Variants in STK33 observed in about 807,000 individuals in gnomAD.
The protein encoded by STK33 is serine/threonine-protein kinase 33.
Under a neutral mutation model 58.0 loss-of-function variants are expected in STK33, and 52 were observed. The ratio of observed to expected loss-of-function variants is 0.90; its 90% confidence interval spans 0.72 to 1.13. The LOEUF is 1.13. Among genes scored for constraint, STK33 ranks in the 50% most tolerant of loss-of-function variants. The pLI is 0.00. For missense variants in STK33, 630 were observed against 604.2 expected (o/e 1.04, Z -0.45); for synonymous variants, 215 against 200.1 (o/e 1.07, Z -0.63).
intron 15 of STK33, among the ~76,000 whole-genome samples, chr11:8,406,250 T>C (rs1939188877): frequency 6.6e-6 from 1 of 151,532 alleles, no homozygotes; most frequent in African/African-American, 2.4e-5. Flanking sequence ...CTTACATCAA[T>C]ACCACATTGT....
At position 8,502,449 on chromosome 11, in the gene STK33, A is replaced by G. The variant is rs140997245; in HGVS notation, c.-465-21835T>C. On this transcript the variant is annotated intron_variant, in intron 1 of 15. Coordinates refer to ENST00000687296, the MANE Select transcript of STK33 (RefSeq NM_001352389.2). ...GCCATATGCAGAAGATTAAAACTGG[A>G]TCCCTTCCTTATACCATATACAAAA... Among the ~76,000 whole-genome samples, 91 of 152,324 alleles carry G rather than the reference A, an allele frequency of 6.0e-4. 1 individual carries two copies. In the East Asian group the frequency reaches 0.014, roughly 23 times the overall value.
intron 1 of STK33, among the ~76,000 whole-genome samples, chr11:8,574,540 A>G (rs1958044859): frequency 6.6e-6 from 1 of 152,212 alleles, no homozygotes; most frequent in African/African-American, 2.4e-5. Context: ...AGTGAATTCT[A>G]TCAAACATTT....
chr11:8,527,798 GGA>G lies in STK33; in HGVS notation c.-465-47186_-465-47185del, dbSNP rs1405900585. Among the ~76,000 whole-genome samples, 4 of 152,216 alleles carry G rather than the reference GGA, an allele frequency of 2.6e-5. No homozygotes were observed. The East Asian group carries it at 5.8e-4, about 22-fold the overall frequency. On this transcript the variant is annotated intron_variant, in intron 1 of 15. Coordinates refer to ENST00000687296, the MANE Select transcript of STK33 (RefSeq NM_001352389.2). ...AATGACTATATGAGTATTTTCCAGA[GGA>G]AACAGCCCATTTACCAAAACACTTC...
At chr11:8,355,804 C>T in the STK33 span, among the ~76,000 whole-genome samples, 1 of 152,336 alleles carries the variant, frequency 6.6e-6, no homozygotes, top group African/African-American at 2.4e-5. Flanking sequence ...ACACAAGGTG[C>T]TTAGACCAGT....
rs200455122 is a variant in STK33 at position 8,585,276 on chromosome 11, G to A, written c.-466+8807C>T. 2.1e-5 allele frequency among the ~76,000 whole-genome samples: 3 copies of A among 144,174 alleles called. No individual in the cohort carries two copies. The East Asian group carries it at 6.1e-4, about 30-fold the overall frequency. 94.6% of individuals were successfully genotyped at this position (144,174 alleles called of 152,430 possible). A position where few individuals can be genotyped will look rare whatever the true frequency, so the allele number is the denominator to read the frequency against. On this transcript the variant is annotated intron_variant, in intron 1 of 15. Transcript: ENST00000687296. ...GTCTCACTCTGTCACCCAGGCTGGA[G>A]TGCAGTGGCGCAATCTCGGCTCACT...
the STK33 span, among the ~76,000 whole-genome samples, chr11:8,363,356 T>A: frequency 6.6e-6 from 1 of 152,184 alleles, no homozygotes; most frequent in Non-Finnish European, 1.5e-5. Context: ...TACAGCTGGA[T>A]GATTTTTAAA....
At chr11:8,462,510 A>T (rs1436839226) in intron 7 of STK33, among the ~76,000 whole-genome samples, 1 of 151,084 alleles carries the variant, frequency 6.6e-6, no homozygotes, top group African/African-American at 2.4e-5. Context: ...AATAATAGGC[A>T]ATGAGATTCT....
intron 1 of STK33, among the ~76,000 whole-genome samples, chr11:8,522,430 C>A (rs946920027): frequency 6.7e-6 from 1 of 148,642 alleles, no homozygotes; most frequent in Non-Finnish European, 1.5e-5. Flanking sequence ...ACAATGAGAA[C>A]AGTTGGACAC....
At chr11:8,459,876 C>CT (rs1947309732) in intron 8 of STK33, among the ~76,000 whole-genome samples, 1 of 152,110 alleles carries the variant, frequency 6.6e-6, no homozygotes, top group Non-Finnish European at 1.5e-5. Flanking sequence ...CTACCCAAAG[C>CT]TGGGGGGGAA....
intron 2 of STK33, among the ~76,000 whole-genome samples, chr11:8,477,493 G>T (rs915834247): frequency 2.6e-5 from 4 of 152,074 alleles, no homozygotes; most frequent in Non-Finnish European, 1.5e-5. Context: ...CTTTTTATAA[G>T]AAATTGTAAG....
the STK33 span, among the ~76,000 whole-genome samples, chr11:8,372,054 G>A: frequency 6.6e-6 from 1 of 151,882 alleles, no homozygotes; most frequent in Non-Finnish European, 1.5e-5. Flanking sequence ...ATTTTTTGTA[G>A]AGATGGGGCT....
the STK33 span, among the ~76,000 whole-genome samples, chr11:8,335,815 A>G: frequency 5.3e-5 from 8 of 152,220 alleles, no homozygotes; most frequent in South Asian, 2.1e-4. Context: ...ACATTCTTCT[A>G]TGGTGATGAG....
At chr11:8,372,718 A>T in the STK33 span, among the ~76,000 whole-genome samples, 15 of 152,340 alleles carry the variant, frequency 9.8e-5, no homozygotes, top group African/African-American at 3.6e-4. Flanking sequence ...TGACTGCCTC[A>T]ATCTGTGGGG....
At chr11:8,517,184 G>C (rs918921457) in intron 1 of STK33, among the ~76,000 whole-genome samples, 9 of 152,194 alleles carry the variant, frequency 5.9e-5, no homozygotes, top group African/African-American at 2.2e-4. Context: ...AACATTTGCT[G>C]TTCTGCAGCC....
chr11:8,427,386 CT>C (rs1942899423), intron 14 of STK33, among the ~76,000 whole-genome samples: 1 of 151,982 alleles, frequency 6.6e-6, no homozygotes, highest in South Asian at 2.1e-4. Context: ...TCTCTGGGAG[CT>C]TTTAGAATTT....
chr11:8,544,535 T>G (rs142726257), intron 1 of STK33, among the ~76,000 whole-genome samples: 1 of 151,718 alleles, frequency 6.6e-6, no homozygotes, highest in Non-Finnish European at 1.5e-5. Flanking sequence ...ATCTACATAA[T>G]AATTTTGTAA....
At chr11:8,485,398 T>C (rs559608168) in intron 1 of STK33, among the ~76,000 whole-genome samples, 2 of 152,310 alleles carry the variant, frequency 1.3e-5, no homozygotes, top group South Asian at 2.1e-4. Context: ...ACAAAAGTCA[T>C]GTAGACATAA....
At chr11:8,402,796 A>T (rs1286446151) in intron 15 of STK33, among the ~76,000 whole-genome samples, 3 of 152,208 alleles carry the variant, frequency 2.0e-5, no homozygotes, top group African/African-American at 7.2e-5. Flanking sequence ...CCAGCTTCCA[A>T]GCTTTATCTA....
intron 14 of STK33, among the ~76,000 whole-genome samples, chr11:8,433,557 C>T (rs2080815583): frequency 6.6e-6 from 1 of 152,160 alleles, no homozygotes; most frequent in African/African-American, 2.4e-5. Context: ...GATATCACCA[C>T]TTGGATGCCA....
Sources: gnomAD v4.1 joint callset for allele counts (sites outside exome capture counted in the v4.1 genomes callset) on GRCh38, gnomAD v4.1.1 for gene constraint, MANE v1.5 for transcripts, NCBI Gene and HGNC (gene_info 2026-07-23, HGNC 2026-07-21) for gene names.